SDK2: variants seen among roughly 807,000 people sequenced by gnomAD.
The protein encoded by SDK2 is sidekick cell adhesion molecule 2.
A neutral mutation model predicts 253.9 loss-of-function variants in SDK2; 105 were observed. The observed-to-expected ratio is 0.41, with a 90% CI of 0.35 to 0.49. The LOEUF is 0.49. Ranked by LOEUF, SDK2 falls within the 20% of genes least tolerant of loss-of-function variation. SDK2 has a pLI of 0.06. For synonymous variants in SDK2, 1,249 were observed against 1,234.9 expected, an observed-to-expected ratio of 1.01 and a Z score of -0.24; for missense variants, 2,608 against 3,003.0, an observed-to-expected ratio of 0.87 and a Z score of 3.07.
rs907231714 is a variant in SDK2, at chr17:73,395,545, G to A, written c.3355-153C>T. Among the ~76,000 whole-genome samples, 10 of 152,228 alleles carry A rather than the reference G, an allele frequency of 6.6e-5. No homozygotes were observed. The highest frequency in any genetic ancestry group is 2.4e-4 in the African/African-American group (10 of 41,470). Reference sequence around the variant, plus strand: ...GTCCACATGAGGCTCTCTCACCCGAGTGTGGCTTAGGTTGTGTGACTGTGT... The same window carrying A: ...GTCCACATGAGGCTCTCTCACCCGAATGTGGCTTAGGTTGTGTGACTGTGT... On this transcript the variant is annotated intron_variant, in intron 24 of 44. Coordinates refer to ENST00000392650, the MANE Select transcript of SDK2 (RefSeq NM_001144952.2). This position sits in a 1 kb window ranked among gnomAD's most constrained non-coding sequence, Gnocchi z 4.3.
intron 21 of SDK2, among the ~76,000 whole-genome samples, chr17:73,400,560 T>A (rs2145523725): frequency 6.6e-6 from 1 of 152,078 alleles, no homozygotes; most frequent in East Asian, 1.9e-4. Flanking sequence ...TCCCAGGGAT[T>A]CCGCCTGCTC....
rs770032791 is a variant in SDK2 at position 73,355,174 on chromosome 17, ATTT to A, written c.5594-2540_5594-2538del. 4.7e-4 allele frequency among the ~76,000 whole-genome samples: 22 copies of A among 47,242 alleles called. 2 individuals are homozygous for A. Among genetic ancestry groups the A allele is most frequent in the African/African-American group, 3.4e-3 (21 of 6,146 alleles). 31.0% of individuals were successfully genotyped at this position (47,242 alleles called of 152,430 possible). A position where few individuals can be genotyped will look rare whatever the true frequency, so the allele number is the denominator to read the frequency against. The stretch of plus-strand genomic sequence containing the variant: ...CCTACACCTCCATATATATATATAT[ATTT>A]TTTTTTTTTTTTTTTTTTAGACGGA... On this transcript the variant is annotated intron_variant, in intron 40 of 44. Transcript: ENST00000392650.
intron 42 of SDK2, 112 bp from the exon 43 acceptor site, chr17:73,350,487 A>C (rs988463989): frequency 6.9e-7 from 1 of 1,455,218 alleles, no homozygotes; most frequent in East Asian, 2.4e-5. Flanking sequence ...TTGAGACCAA[A>C]ATAAGAGATT....
At chr17:73,392,891 C>G (rs1199654805) in intron 27 of SDK2, among the ~76,000 whole-genome samples, 1 of 152,016 alleles carries the variant, frequency 6.6e-6, no homozygotes, top group African/African-American at 2.4e-5. Context: ...GAGGTTCGTG[C>G]GTCCAGGAAA....
Position 73,643,957 on chromosome 17 carries a change from T to TCCCCCCCCCCCCCCCCC in SDK2, c.64+67_64+68insGGGGGGGGGGGGGGGGG. 15 of 1,019,984 alleles carry TCCCCCCCCCCCCCCCCC rather than the reference T, an allele frequency of 1.5e-5. No individual in the cohort carries two copies. The highest frequency in any genetic ancestry group is 2.7e-5 in the East Asian group (1 of 37,508). The allele number at this position is 1,019,984 out of a possible 1,614,324, so 63.2% of individuals were successfully genotyped here. A position where few individuals can be genotyped will look rare whatever the true frequency, so the allele number is the denominator to read the frequency against. Reference sequence around the variant, plus strand: ...GGAGGTCACCGTGAGGCCGGCCAGCTCCCGCCGCCCCTCCCCCGCCCACTC... The same window carrying TCCCCCCCCCCCCCCCCC: ...GGAGGTCACCGTGAGGCCGGCCAGCTCCCCCCCCCCCCCCCCCCCCGCCGCCCCTCCCCCGCCCACTC... On this transcript the variant is annotated intron_variant, in intron 1 of 44. Transcript: ENST00000392650. This position sits in a 1 kb window ranked among gnomAD's most constrained non-coding sequence, Gnocchi z 6.9.
At chr17:73,505,270 T>G (rs980558449) in intron 2 of SDK2, among the ~76,000 whole-genome samples, 2 of 152,224 alleles carry the variant, frequency 1.3e-5, no homozygotes, top group African/African-American at 2.4e-5. Flanking sequence ...AACTTATTTT[T>G]GAAGCCCAAC....
At chr17:73,508,039 G>C (rs950761489) in intron 1 of SDK2, among the ~76,000 whole-genome samples, 2 of 152,238 alleles carry the variant, frequency 1.3e-5, no homozygotes, top group African/African-American at 4.8e-5. Flanking sequence ...GGGGTAAAGG[G>C]TCTCCTGAGT....
chr17:73,593,703 G>A (rs1345797084), intron 1 of SDK2, among the ~76,000 whole-genome samples: 9 of 152,242 alleles, frequency 5.9e-5, no homozygotes, highest in Admixed American at 5.9e-4. Flanking sequence ...GATCACGGAA[G>A]GTGTTAACTG....
chr17:73,350,622 C>A, intron 42 of SDK2, 28 bp downstream of exon 42: 1 of 1,599,990 alleles, frequency 6.3e-7, no homozygotes. Context: ...TCAAGTCCAG[C>A]CAGCATGGCT....
At chr17:73,478,512 C>A (rs1271815728) in intron 2 of SDK2, among the ~76,000 whole-genome samples, 1 of 152,202 alleles carries the variant, frequency 6.6e-6, no homozygotes. Context: ...TGATTTTAAT[C>A]CGGCAGGACC....
rs548175913 is a variant in SDK2, at chr17:73,415,782, C to T, written c.2368+29G>A. 565 of 1,541,816 alleles carry T rather than the reference C, an allele frequency of 3.7e-4. 9 individuals carry two copies. The South Asian group carries it at 6.4e-3, about 18-fold the overall frequency. On this transcript the variant is annotated intron_variant, in intron 17 of 44. Coordinates refer to ENST00000392650, the MANE Select transcript of SDK2 (RefSeq NM_001144952.2). Reference sequence around the variant, plus strand: ...AGGATTACACGCATGAGCCACCGCGCCTGGTCTGAGACCACAGTCTCTACC... The same window carrying T: ...AGGATTACACGCATGAGCCACCGCGTCTGGTCTGAGACCACAGTCTCTACC...
At chr17:73,528,400 G>A (rs965211707) in intron 1 of SDK2, among the ~76,000 whole-genome samples, 4 of 152,174 alleles carry the variant, frequency 2.6e-5, no homozygotes, top group Non-Finnish European at 5.9e-5. Flanking sequence ...TGTCCCAGGC[G>A]ATGCACCAAG....
Position 73,577,811 on chromosome 17 carries a change from T to G in SDK2, c.64+66214A>C, listed in dbSNP as rs368172906. On this transcript the variant is annotated intron_variant, in intron 1 of 44. Coordinates refer to ENST00000392650, the MANE Select transcript of SDK2 (RefSeq NM_001144952.2). ...CCATAGAAGTCCATGCCCTGATCCC[T>G]GGAACCTGTGAATACGTTCTGTTAT... 2.6e-5 allele frequency among the ~76,000 whole-genome samples: 4 copies of G among 152,218 alleles called. No homozygotes were observed. In the East Asian group the frequency reaches 7.7e-4, roughly 29 times the overall value.
intron 1 of SDK2, among the ~76,000 whole-genome samples, chr17:73,584,157 C>T (rs1172644573): frequency 6.6e-6 from 1 of 152,184 alleles, no homozygotes; most frequent in Non-Finnish European, 1.5e-5. Context: ...CCAGCTGTGT[C>T]CTGCACACTG....
In SDK2 at chr17:73,377,208, CCTTTTTTTTTTTT is replaced by C. The variant is rs1439143315; in HGVS notation, c.4980+1956_4980+1968del. Reference sequence around the variant, plus strand: ...GCTCTTCCAACCAGACAGACACATTCCTTTTTTTTTTTTCTTTTTTTTTTTTTGGAGACAGAGT... The same window carrying C: ...GCTCTTCCAACCAGACAGACACATTCCTTTTTTTTTTTTTGGAGACAGAGT... On this transcript the variant is annotated intron_variant, in intron 36 of 44. Transcript: ENST00000392650. 2.0e-4 allele frequency among the ~76,000 whole-genome samples: 30 copies of C among 150,202 alleles called. No homozygotes were observed. In the South Asian group the frequency reaches 4.2e-3, roughly 21 times the overall value.
rs1384898275 is a variant in SDK2 at position 73,408,058 on chromosome 17, TTTTTTTC to T, written c.2485-5924_2485-5918del. ...AAGTAAAATATTTCCTTTTTTTTTT[TTTTTTTC>T]TTTTGAGACAGAGTCTGGCTCTGTC... On this transcript the variant is annotated intron_variant, in intron 18 of 44. Coordinates refer to ENST00000392650, the MANE Select transcript of SDK2 (RefSeq NM_001144952.2). 1.5e-4 allele frequency among the ~76,000 whole-genome samples: 19 copies of T among 129,076 alleles called. 2 individuals carry two copies. Among genetic ancestry groups the T allele is most frequent in the Non-Finnish European group, 2.6e-4 (15 of 57,078 alleles). The allele number at this position is 129,076 out of a possible 152,430, so 84.7% of individuals were successfully genotyped here. A position where few individuals can be genotyped will look rare whatever the true frequency, so the allele number is the denominator to read the frequency against.
At position 73,442,874 on chromosome 17, in the gene SDK2, C is replaced by T. The variant is rs540079209; in HGVS notation, c.614-1951G>A. On this transcript the variant is annotated intron_variant, in intron 5 of 44. Transcript: ENST00000392650. ...ACTCCTCTTCTAATAGAGGTGGTAG[C>T]AATTCCTTTTTTTTATATTTTGAGT... Among the ~76,000 whole-genome samples, 5 of 108,300 alleles carry T rather than the reference C, an allele frequency of 4.6e-5. No homozygotes were observed. The South Asian group carries it at 1.5e-3, about 33-fold the overall frequency. 71.0% of individuals were successfully genotyped at this position (108,300 alleles called of 152,430 possible). A position where few individuals can be genotyped will look rare whatever the true frequency, so the allele number is the denominator to read the frequency against.
At chr17:73,545,363 G>C (rs1328699427) in intron 1 of SDK2, among the ~76,000 whole-genome samples, 6 of 152,104 alleles carry the variant, frequency 3.9e-5, no homozygotes, top group Non-Finnish European at 5.9e-5. Flanking sequence ...ACCCTGTGGA[G>C]AGTGATTGTG....
intron 1 of SDK2, among the ~76,000 whole-genome samples, chr17:73,589,018 T>G (rs1470664534): frequency 2.0e-5 from 3 of 152,208 alleles, no homozygotes; most frequent in African/African-American, 7.2e-5. Flanking sequence ...AGAGCCGGGG[T>G]CCTCCCTGTG....
Sources: gnomAD v4.1 joint callset for allele counts (sites outside exome capture counted in the v4.1 genomes callset) on GRCh38, gnomAD v4.1.1 for gene constraint, Gnocchi (gnomAD v3.1) non-coding constraint, MANE v1.5 for transcripts, NCBI Gene and HGNC (gene_info 2026-07-23, HGNC 2026-07-21) for gene names.